LMBR1: variants seen among roughly 807,000 people sequenced by gnomAD.
LMBR1 encodes limb region 1 protein homolog.
Under a neutral mutation model 73.9 loss-of-function variants are expected in LMBR1, and 52 were observed. The ratio of observed to expected loss-of-function variants is 0.70; its 90% CI spans 0.56 to 0.89. The LOEUF (loss-of-function observed/expected upper bound fraction) is 0.89, where lower values mean the gene tolerates loss of function less well. Among genes scored for constraint, LMBR1 ranks in the 40% least tolerant of loss-of-function variants. The pLI, the probability that LMBR1 is intolerant of heterozygous loss-of-function variation, is 0.00. For missense variants in LMBR1, 539 were observed against 579.8 expected (o/e 0.93, Z 0.72); for synonymous variants, 215 against 209.4 (o/e 1.03, Z -0.23).
intron 3 of LMBR1, among the ~76,000 whole-genome samples, chr7:156,832,303 A>C (rs1414804847): frequency 6.6e-6 from 1 of 152,190 alleles, no homozygotes; most frequent in African/African-American, 2.4e-5. Flanking sequence ...GGGAGTTATT[A>C]ATTTCTTTAT....
chr7:156,678,647 T>TCAGCGG lies in LMBR1; in HGVS notation c.*5425_*5430dup, dbSNP rs891199827. ...TGGAAACATGAGTTCATGGGAGGAC[T>TCAGCGG]CAGCGGACAGGGAGAGCCCTGTCTG... On this transcript the variant is annotated 3_prime_UTR_variant, in exon 17 of 17. Transcript: ENST00000353442. 1 of 152,134 alleles carries TCAGCGG rather than the reference T, an allele frequency of 6.6e-6. No homozygotes were observed. The highest frequency in any genetic ancestry group is 6.5e-5 in the Admixed American group (1 of 15,288). The allele number at this position is 152,134 out of a possible 1,614,324, so 9.4% of individuals were successfully genotyped here. A position where few individuals can be genotyped will look rare whatever the true frequency, so the allele number is the denominator to read the frequency against.
At chr7:156,773,913 C>A (rs1563328092) in intron 5 of LMBR1, among the ~76,000 whole-genome samples, 2 of 151,858 alleles carry the variant, frequency 1.3e-5, no homozygotes, top group African/African-American at 2.4e-5. Context: ...ACAAACAAAC[C>A]AACAGAGTAA....
chr7:156,746,007 T>C (rs1039850972), intron 9 of LMBR1, among the ~76,000 whole-genome samples: 10 of 152,214 alleles, frequency 6.6e-5, no homozygotes, highest in Admixed American at 1.3e-4. Context: ...TTTGAGTTTC[T>C]GGCAGCCACA....
chr7:156,740,865 G>C (rs1466381303), intron 9 of LMBR1, among the ~76,000 whole-genome samples: 1 of 152,132 alleles, frequency 6.6e-6, no homozygotes, highest in Non-Finnish European at 1.5e-5. Flanking sequence ...TTATAACACT[G>C]TAATTACGGT....
In LMBR1 at chr7:156,670,240, G is replaced by C. The variant is rs1349314797; in HGVS notation, n.867-953C>G. ...ACATTTCCTTCTTTGCAGAGGAGCT[G>C]GATGCTAAGCACGGCTGGCTCTACT... On this transcript the variant is annotated intron_variant and non_coding_transcript_variant, in intron 4 of 4. Transcript: ENST00000430825. The surrounding 1 kb of genome is among the most constrained non-coding windows in gnomAD (Gnocchi z 4.3). 6.6e-6 allele frequency among the ~76,000 whole-genome samples: 1 copy of C among 152,174 alleles called. No individual in the cohort carries two copies. Among genetic ancestry groups the C allele is most frequent in the Non-Finnish European group, 1.5e-5 (1 of 68,034 alleles).
chr7:156,688,146 C>T lies in LMBR1; in HGVS notation c.1271G>A (p.Trp424Ter). The change falls in exon 16 of 17, where the codon TGG (tryptophan) becomes TAG (stop). Residue 424 changes from tryptophan (W) to a stop codon, truncating the protein, a stop_gained. Coordinates refer to ENST00000353442, the MANE Select transcript of LMBR1 (RefSeq NM_022458.4). LOFTEE classifies it high-confidence loss of function. ...DLLGDFGRFN[W>*]LGNFYIVLSY... ...TAATACAATATAGAAATTTCCCAGC[C>T]AATTAAACCTTCCAAAGTCGCCAAG... The T allele has an allele frequency of 6.2e-7, 1 of 1,608,988 alleles. No homozygotes were observed. Among genetic ancestry groups the T allele is most frequent in the Non-Finnish European group, 8.5e-7 (1 of 1,178,322 alleles).
intron 1 of LMBR1, among the ~76,000 whole-genome samples, chr7:156,844,122 C>T (rs1839190487): frequency 6.6e-6 from 1 of 151,818 alleles, no homozygotes; most frequent in East Asian, 1.9e-4. Flanking sequence ...GTCAAAAGTT[C>T]AAGACCAGCC....
downstream of LMBR1, chr7:156,676,944 T>TA (rs568183653): frequency 8.0e-3 from 2,796 of 349,794 alleles, 40 homozygotes; most frequent in South Asian, 0.023. Flanking sequence ...AAGATATAGC[T>TA]AGTGTCTGAA....
At chr7:156,722,708 C>T (rs1814841867) in intron 15 of LMBR1, among the ~76,000 whole-genome samples, 1 of 152,062 alleles carries the variant, frequency 6.6e-6, no homozygotes, top group Non-Finnish European at 1.5e-5. Flanking sequence ...ATTGTTCCAT[C>T]TTTCTTTTTT....
intron 2 of LMBR1, 30 bp downstream of exon 2, chr7:156,836,783 A>G: frequency 2.1e-6 from 3 of 1,434,374 alleles, no homozygotes; most frequent in Non-Finnish European, 1.9e-6. Context: ...GCATTCTAAC[A>G]AAGGTTTTAA....
At position 156,833,734 on chromosome 7, in the gene LMBR1, T is replaced by A; in HGVS notation, c.179+19A>T. The A allele has an allele frequency of 6.3e-7, 1 of 1,580,666 alleles. No homozygotes were observed. The highest frequency in any genetic ancestry group is 2.3e-5 in the East Asian group (1 of 44,302). On this transcript the variant is annotated intron_variant, in intron 3 of 16. Coordinates refer to ENST00000353442, the MANE Select transcript of LMBR1 (RefSeq NM_022458.4). ...ACTTCAGAATCAGAAACAGAACAAC[T>A]GAACTTTAAAATACATACGAAATCC... is the stretch of plus-strand genomic sequence containing the variant.
intron 5 of LMBR1, among the ~76,000 whole-genome samples, chr7:156,770,058 G>A (rs879819767): frequency 1.3e-5 from 2 of 152,090 alleles, no homozygotes; most frequent in Non-Finnish European, 1.5e-5. Flanking sequence ...ATGATACACA[G>A]AATCTGAAAA....
intron 5 of LMBR1, among the ~76,000 whole-genome samples, chr7:156,793,744 G>A (rs1436002568): frequency 3.9e-5 from 6 of 152,178 alleles, no homozygotes; most frequent in Non-Finnish European, 8.8e-5. Context: ...CTACCTCGAA[G>A]ATAAAGGTAA....
chr7:156,684,001 G>C lies in LMBR1; in HGVS notation c.*77C>G, dbSNP rs560657245. On this transcript the variant is annotated 3_prime_UTR_variant, in exon 17 of 17. Coordinates refer to ENST00000353442, the MANE Select transcript of LMBR1 (RefSeq NM_022458.4). Reference sequence around the variant, plus strand: ...AGAGGGGCCACGGTTGAATGGAAATGCTTCTACATGGGACAGGAATGTCGT... The same window carrying C: ...AGAGGGGCCACGGTTGAATGGAAATCCTTCTACATGGGACAGGAATGTCGT... 1.4e-4 allele frequency: 170 copies of C among 1,184,340 alleles called. No homozygotes were observed. The highest frequency in any genetic ancestry group is 2.0e-4 in the Non-Finnish European group (158 of 803,070). 73.4% of individuals were successfully genotyped at this position (1,184,340 alleles called of 1,614,324 possible).
At chr7:156,728,134 A>T (rs1380187616) in intron 11 of LMBR1, 127 bp from the exon 12 acceptor site, 1 of 623,320 alleles carries the variant, frequency 1.6e-6, no homozygotes, top group African/African-American at 1.8e-5. Flanking sequence ...GCTATATATA[A>T]AACTAAAGTA....
chr7:156,757,849 C>T (rs1023899069), intron 8 of LMBR1, among the ~76,000 whole-genome samples: 14 of 152,186 alleles, frequency 9.2e-5, no homozygotes, highest in African/African-American at 3.1e-4. Context: ...CAAATCTTTA[C>T]GGTCCCCTAT....
intron 1 of LMBR1, among the ~76,000 whole-genome samples, chr7:156,882,020 A>C (rs990639580): frequency 2.0e-5 from 3 of 152,188 alleles, no homozygotes; most frequent in African/African-American, 4.8e-5. Context: ...AGATATTAGC[A>C]CTTCTATATC....
chr7:156,734,073 T>G, intron 10 of LMBR1, 104 bp downstream of exon 10: 1 of 648,914 alleles, frequency 1.5e-6, no homozygotes, highest in Non-Finnish European at 2.5e-6. Context: ...GTCAAAAGTT[T>G]TAACATAAAG....
At position 156,870,090 on chromosome 7, in the gene LMBR1, GAGAAATA is replaced by G. The variant is rs560707308; in HGVS notation, c.66+22831_66+22837del. On this transcript the variant is annotated intron_variant, in intron 1 of 16. Transcript: ENST00000353442. ...AAGCAAACACTGACAGAACTAAAGG[GAGAAATA>G]AACGGTAGAATAACGATTGGAGACT... 1.2e-4 allele frequency among the ~76,000 whole-genome samples: 18 copies of G among 152,286 alleles called. No individual in the cohort carries two copies. The South Asian group carries it at 3.7e-3, about 32-fold the overall frequency.
Sources: gnomAD v4.1 joint callset for allele counts (sites outside exome capture counted in the v4.1 genomes callset) on GRCh38, gnomAD v4.1.1 for gene constraint, Gnocchi (gnomAD v3.1) non-coding constraint, MANE v1.5 for transcripts, NCBI Gene and HGNC (gene_info 2026-07-23, HGNC 2026-07-21) for gene names.